SAMD15: variants seen among roughly 807,000 people sequenced by gnomAD.
SAMD15 encodes the protein sterile alpha motif domain-containing protein 15.
A neutral mutation model predicts 50.5 loss-of-function variants in SAMD15; 37 were observed. The observed-to-expected ratio is 0.73, with a 90% CI of 0.56 to 0.96. The LOEUF (loss-of-function observed/expected upper bound fraction) is 0.96, where lower values mean the gene tolerates loss of function less well. Among genes scored for constraint, SAMD15 ranks in the 40% least tolerant of loss-of-function variants. The probability of loss-of-function intolerance (pLI) is 0.00; values close to 1 mark genes in which losing one functional copy is unlikely to be tolerated. For synonymous variants in SAMD15, 255 were observed against 282.8 expected, an observed-to-expected ratio of 0.90 and a Z score of 0.99; for missense variants, 789 against 783.8, an observed-to-expected ratio of 1.01 and a Z score of -0.08.
intron 2 of SAMD15, among the ~76,000 whole-genome samples, chr14:77,381,969 G>A (rs942184990): frequency 9.2e-5 from 14 of 151,868 alleles, no homozygotes; most frequent in African/African-American, 7.3e-5. Flanking sequence ...ACAGGGTCTC[G>A]CTCTGTCACC....
chr14:77,381,297 G>T (rs905157583), intron 2 of SAMD15, among the ~76,000 whole-genome samples: 1 of 152,144 alleles, frequency 6.6e-6, no homozygotes, highest in Non-Finnish European at 1.5e-5. Flanking sequence ...AGCACCAACA[G>T]TTCATGATTA....
chr14:77,380,247 TA>T, intron 1 of SAMD15, 135 bp from the exon 2 acceptor site: 1 of 623,978 alleles, frequency 1.6e-6, no homozygotes, highest in Non-Finnish European at 2.9e-6. Context: ...ACCCTGTCTC[TA>T]AAAAAGAAAA....
intron 2 of SAMD15, among the ~76,000 whole-genome samples, chr14:77,389,936 A>T (rs566143969): frequency 6.6e-6 from 1 of 152,248 alleles, no homozygotes; most frequent in South Asian, 2.1e-4. Context: ...AACAGCTCGA[A>T]CTTTAATGTC....
chr14:77,377,769 G>C lies in SAMD15; in HGVS notation c.351G>C (p.Glu117Asp). ...CGGAAACATCCAGAGAGATGGGAGAGTTTTTCAAAGATTTGGAGGCCCCTA... is the reference window on the plus strand; with the variant it reads ...CGGAAACATCCAGAGAGATGGGAGACTTTTTCAAAGATTTGGAGGCCCCTA... ...VKSETSREMG[E>D]FFKDLEAPMD... The change falls in exon 1 of 3, where the codon GAG becomes GAC. Residue 117 changes from glutamate (E) to aspartate (D), a missense_variant. Glu to Asp is a conservative substitution (Grantham distance 45). Coordinates refer to ENST00000216471, the MANE Select transcript of SAMD15 (RefSeq NM_001010860.4). 6.2e-7 allele frequency: 1 copy of C among 1,614,126 alleles called. No individual in the cohort carries two copies. The highest frequency in any genetic ancestry group is 2.2e-5 in the East Asian group (1 of 44,882).
At chr14:77,384,213 A>G (rs981176859) in intron 2 of SAMD15, among the ~76,000 whole-genome samples, 2 of 152,066 alleles carry the variant, frequency 1.3e-5, no homozygotes, top group African/African-American at 2.4e-5. Flanking sequence ...CTTTTGGGAG[A>G]ATAGAAGGAA....
Position 77,378,285 on chromosome 14 carries a change from A to G in SAMD15, c.867A>G (p.Pro289=). The G allele has an allele frequency of 6.2e-7, 1 of 1,612,850 alleles. No homozygotes were observed. The highest frequency in any genetic ancestry group is 8.5e-7 in the Non-Finnish European group (1 of 1,179,754). The change falls in exon 1 of 3, where the codon CCA becomes CCG. Residue 289 remains proline (P), a synonymous_variant. Transcript: ENST00000216471. ...EPPEETQPEV[P]EEMQRKATEE... ...CAGAAGAGACTCAACCAGAGGTTCC[A>G]GAGGAGATGCAAAGAAAGGCAACTG...
At chr14:77,387,595 G>A (rs569911739) in intron 2 of SAMD15, among the ~76,000 whole-genome samples, 5 of 152,140 alleles carry the variant, frequency 3.3e-5, no homozygotes, top group African/African-American at 1.2e-4. Context: ...AGTGCTAAGT[G>A]TAATGAATTG....
intron 2 of SAMD15, among the ~76,000 whole-genome samples, chr14:77,384,008 AT>A: frequency 6.9e-6 from 1 of 145,750 alleles, no homozygotes; most frequent in Non-Finnish European, 1.5e-5. Context: ...AAAAAACCTG[AT>A]TATGCTCTAA....
Position 77,379,054 on chromosome 14 carries a change from G to C in SAMD15, c.1636G>C (p.Asp546His), listed in dbSNP as rs1893910612. 6.2e-7 allele frequency: 1 copy of C among 1,613,796 alleles called. No individual in the cohort carries two copies. The highest frequency in any genetic ancestry group is 1.3e-5 in the African/African-American group (1 of 74,928). Residue 546 changes from aspartate to histidine, a missense_variant, in exon 1 of 3, where the codon GAT becomes CAT. Physicochemically the swap from Asp to His is moderately conservative, Grantham distance 81. Around this residue, in one of 2 missense-constraint regions of SAMD15, gnomAD observed 770 missense variants for 745.4 expected, o/e 1.03. Coordinates refer to ENST00000216471, the MANE Select transcript of SAMD15 (RefSeq NM_001010860.4). ...TELQFEHLNW[D>H]PEEVAEWISQ... ...GTTACAATTTGAGCATCTTAATTGG[G>C]ATCCAGAGGAAGTTGCAGAGTGGAT...
chr14:77,384,000 A>C (rs1043923579), intron 2 of SAMD15, among the ~76,000 whole-genome samples: 3 of 145,882 alleles, frequency 2.1e-5, no homozygotes, highest in African/African-American at 4.9e-5. Context: ...AAAAAAAAAA[A>C]AAACCTGATT....
intron 2 of SAMD15, among the ~76,000 whole-genome samples, chr14:77,384,669 A>G (rs1041802524): frequency 1.3e-5 from 2 of 152,058 alleles, no homozygotes; most frequent in African/African-American, 4.8e-5. Context: ...CTGCAGCCCC[A>G]GAATCAGCCA....
Position 77,379,231 on chromosome 14 carries a change from A to G in SAMD15, c.1689+124A>G, listed in dbSNP as rs552507019. 3.8e-5 allele frequency: 34 copies of G among 887,168 alleles called. No homozygotes were observed. The South Asian group carries it at 5.6e-4, about 15-fold the overall frequency. 55.0% of individuals were successfully genotyped at this position (887,168 alleles called of 1,614,324 possible). A position where few individuals can be genotyped will look rare whatever the true frequency, so the allele number is the denominator to read the frequency against. ...GTATCAAAAAGTCCTAGACTGTGGT[A>G]GAGGTAACTTGGATTTTAATTTTGG... is the stretch of plus-strand genomic sequence containing the variant. On this transcript the variant is annotated intron_variant, in intron 1 of 2. Transcript: ENST00000216471.
In SAMD15 at chr14:77,391,695, T is replaced by A. The variant is rs1218689205; in HGVS notation, c.*451T>A. Among the ~76,000 whole-genome samples, 1 of 152,176 alleles carries A rather than the reference T, an allele frequency of 6.6e-6. No homozygotes were observed. The highest frequency in any genetic ancestry group is 1.9e-4 in the East Asian group (1 of 5,190). On this transcript the variant is annotated 3_prime_UTR_variant, in exon 3 of 3. Coordinates refer to ENST00000216471, the MANE Select transcript of SAMD15 (RefSeq NM_001010860.4). ...TGTCTCTGACTTATGGTACCCTCCC[T>A]TTCTTTTTGCAATTTAACCCCTTGT... is the stretch of plus-strand genomic sequence containing the variant.
At position 77,377,615 on chromosome 14, in the gene SAMD15, A is replaced by AG; in HGVS notation, c.202dup (p.Glu68GlyfsTer6). The AG allele has an allele frequency of 6.2e-7, 1 of 1,614,124 alleles. No homozygotes were observed. Among genetic ancestry groups the AG allele is most frequent in the Non-Finnish European group, 8.5e-7 (1 of 1,180,016 alleles). On this transcript the variant is annotated frameshift_variant, in exon 1 of 3. Coordinates refer to ENST00000216471, the MANE Select transcript of SAMD15 (RefSeq NM_001010860.4). LOFTEE classifies it high-confidence loss of function. ...GAGACCGAGGAAGAGGACTTCAAAG[A>AG]GGGGGAGCCAGACAGTGCTAAGAAC... is the stretch of plus-strand genomic sequence containing the variant.
chr14:77,384,212 G>A (rs951300102), intron 2 of SAMD15, among the ~76,000 whole-genome samples: 8 of 152,122 alleles, frequency 5.3e-5, no homozygotes, highest in Non-Finnish European at 7.3e-5. Flanking sequence ...ACTTTTGGGA[G>A]AATAGAAGGA....
At chr14:77,390,532 T>C (rs571324408) in intron 2 of SAMD15, among the ~76,000 whole-genome samples, 1 of 152,236 alleles carries the variant, frequency 6.6e-6, no homozygotes, top group African/African-American at 2.4e-5. Flanking sequence ...ATTTAAGAAA[T>C]TGGTTTTGGT....
intron 2 of SAMD15, among the ~76,000 whole-genome samples, chr14:77,381,712 A>G (rs1290807077): frequency 6.6e-6 from 1 of 152,208 alleles, no homozygotes; most frequent in Admixed American, 6.5e-5. Flanking sequence ...TCCTTTTACT[A>G]GCAAGAAGAT....
In SAMD15 at chr14:77,391,738, C is replaced by T. The variant is rs1400530468; in HGVS notation, c.*494C>T. Among the ~76,000 whole-genome samples, 1 of 152,102 alleles carries T rather than the reference C, an allele frequency of 6.6e-6. No individual in the cohort carries two copies. The highest frequency in any genetic ancestry group is 2.4e-5 in the African/African-American group (1 of 41,418). ...CCCCTTGTTAAAACAAAGATAGTCA[C>T]GCTTATCTTTCTGGGTAATTATAAG... On this transcript the variant is annotated 3_prime_UTR_variant, in exon 3 of 3. Coordinates refer to ENST00000216471, the MANE Select transcript of SAMD15 (RefSeq NM_001010860.4).
chr14:77,381,790 A>G (rs1893945669), intron 2 of SAMD15, among the ~76,000 whole-genome samples: 2 of 152,198 alleles, frequency 1.3e-5, no homozygotes, highest in Admixed American at 6.5e-5. Flanking sequence ...AAATTCTGCT[A>G]ATAGCTATGC....
Sources: gnomAD v4.1 joint callset for allele counts (sites outside exome capture counted in the v4.1 genomes callset) on GRCh38, gnomAD v4.1.1 for gene constraint, gnomAD v4.1.1 regional missense constraint, MANE v1.5 for transcripts, NCBI Gene and HGNC (gene_info 2026-07-23, HGNC 2026-07-21) for gene names.